Variants in PTPN3 observed in about 807,000 individuals in gnomAD.
PTPN3 encodes protein tyrosine phosphatase non-receptor type 3.
PTPN3 carries 96 observed loss-of-function variants against 132.7 expected under a neutral mutation model. The ratio of observed to expected loss-of-function variants is 0.72; its 90% CI spans 0.61 to 0.86. PTPN3 has a LOEUF of 0.86. Ranked by LOEUF, PTPN3 falls within the 40% of genes least tolerant of loss-of-function variation. PTPN3 has a pLI of 0.00. For synonymous variants in PTPN3, 398 were observed against 429.0 expected (o/e 0.93, Z 0.89); for missense variants, 1,125 against 1,159.6 (o/e 0.97, Z 0.43).
chr9:109,425,810 C>T (rs555610273), intron 12 of PTPN3, among the ~76,000 whole-genome samples: 10 of 151,932 alleles, frequency 6.6e-5, no homozygotes, highest in Non-Finnish European at 1.0e-4. Flanking sequence ...GTCAGGAATT[C>T]GAGACCAGGC....
At position 109,463,409 on chromosome 9, in the gene PTPN3, C is replaced by T. The variant is rs761116560; in HGVS notation, c.26G>A (p.Gly9Asp). ...GGTGCGTATATTATTAATTCTTCCA[C>T]CCAACGCACGTAACCGGGAGGTCAT... MTSRLRAL[G>D]GRINNIRTSE... is the part of the protein sequence containing the mutation. Residue 9 changes from glycine (G) to aspartate (D), a missense_variant, in exon 2 of 26, where the codon GGT becomes GAT. Coordinates refer to ENST00000374541, the MANE Select transcript of PTPN3 (RefSeq NM_002829.4). The T allele has an allele frequency of 1.9e-6, 3 of 1,611,524 alleles. No homozygotes were observed. Among genetic ancestry groups the T allele is most frequent in the South Asian group, 2.2e-5 (2 of 90,152 alleles).
chr9:109,422,956 C>T, intron 12 of PTPN3, 104 bp from the exon 13 acceptor site: 1 of 1,405,650 alleles, frequency 7.1e-7, no homozygotes, highest in Non-Finnish European at 9.8e-7. Flanking sequence ...TGAAGGACGG[C>T]AGGTTAATGC....
rs148506487 is a variant in PTPN3 at position 109,462,796 on chromosome 9, C to T, written c.138+501G>A. On this transcript the variant is annotated intron_variant, in intron 2 of 25. Transcript: ENST00000374541. ...ACAACCCACTCACTCACACATTTAACGAGCACATGCTGTGTGCCCAGCTTT... is the reference window on the plus strand; with the variant it reads ...ACAACCCACTCACTCACACATTTAATGAGCACATGCTGTGTGCCCAGCTTT... 8.4e-3 allele frequency among the ~76,000 whole-genome samples: 1,276 copies of T among 152,178 alleles called. 12 individuals carry two copies. Among genetic ancestry groups the T allele is most frequent in the Middle Eastern group, 0.017 (5 of 294 alleles).
At chr9:109,437,119 T>C (rs755344058) in intron 8 of PTPN3, 149 bp from the exon 9 acceptor site, 8 of 1,346,184 alleles carry the variant, frequency 5.9e-6, no homozygotes, top group Admixed American at 2.7e-5. Context: ...TGCTAAATTC[T>C]ACTAAAGCAA....
chr9:109,446,766 A>G (rs1055143120), intron 6 of PTPN3, among the ~76,000 whole-genome samples: 18 of 152,202 alleles, frequency 1.2e-4, no homozygotes, highest in Non-Finnish European at 2.6e-4. Flanking sequence ...AATACATACT[A>G]GGGAACACCA....
chr9:109,410,534 C>A, intron 14 of PTPN3, 119 bp from the exon 15 acceptor site: 1 of 1,124,334 alleles, frequency 8.9e-7, no homozygotes, highest in Non-Finnish European at 1.3e-6. Flanking sequence ...ACCTCAGCTG[C>A]ATAGGTTGTC....
chr9:109,510,569 AAAAAAAAATATATATATATATATAT>A, the PTPN3 span, among the ~76,000 whole-genome samples: 1 of 72,378 alleles, frequency 1.4e-5, no homozygotes, highest in Non-Finnish European at 2.6e-5. Context: ...AAAAAAAAAA[AAAAAAAAATATATATATATATATAT>A]ATATATATAT....
At chr9:109,508,164 CT>C in the PTPN3 span, among the ~76,000 whole-genome samples, 91,329 of 143,608 alleles carry the variant, frequency 0.64, 29,025 homozygotes, top group Admixed American at 0.71. Context: ...TTCTCTCTCT[CT>C]TTTTTTTTTT....
the PTPN3 span, among the ~76,000 whole-genome samples, chr9:109,527,603 A>G: frequency 6.6e-6 from 1 of 152,234 alleles, no homozygotes; most frequent in Non-Finnish European, 1.5e-5. Context: ...ATTTTTCAGA[A>G]TAGCTAGAAG....
At chr9:109,392,603 A>G (rs1840219835) in intron 19 of PTPN3, 1 of 152,132 alleles carries the variant, frequency 6.6e-6, no homozygotes, top group Middle Eastern at 3.2e-3. Context: ...ACATACTGGC[A>G]CTTTTTTTTT....
rs1564381860 is a variant in PTPN3 at position 109,391,544 on chromosome 9, C to CT, written c.1970dup (p.Pro658AlafsTer20). 3.1e-6 allele frequency: 5 copies of CT among 1,613,682 alleles called. No homozygotes were observed. In the Admixed American group the frequency reaches 5.0e-5, roughly 16 times the overall value. ...TTGCAAACGTGATGGCCAAACCTGG[C>CT]TTTTTTCTGTAGAGTTGCTATGTGA... On this transcript the variant is annotated frameshift_variant, in exon 20 of 26. Transcript: ENST00000374541. LOFTEE classifies it high-confidence loss of function.
intron 13 of PTPN3, among the ~76,000 whole-genome samples, chr9:109,421,123 G>A (rs1224051116): frequency 1.3e-5 from 2 of 152,082 alleles, no homozygotes; most frequent in African/African-American, 4.8e-5. Flanking sequence ...TATTAAACAC[G>A]TTTATATGCA....
At chr9:109,462,076 A>C (rs539465602) in intron 2 of PTPN3, among the ~76,000 whole-genome samples, 1 of 152,342 alleles carries the variant, frequency 6.6e-6, no homozygotes, top group South Asian at 2.1e-4. Flanking sequence ...ACTGGGGAAT[A>C]GCTGGAGGCC....
intron 9 of PTPN3, among the ~76,000 whole-genome samples, chr9:109,435,321 T>G (rs1310736462): frequency 6.6e-6 from 1 of 152,192 alleles, no homozygotes; most frequent in Non-Finnish European, 1.5e-5. Flanking sequence ...TTCTGGCCAC[T>G]GTGCTCTGAG....
intron 7 of PTPN3, among the ~76,000 whole-genome samples, chr9:109,440,110 A>T (rs554671456): frequency 1.3e-5 from 2 of 152,284 alleles, no homozygotes; most frequent in African/African-American, 4.8e-5. Flanking sequence ...CATGACACAC[A>T]GTAGGTGCTC....
intron 12 of PTPN3, among the ~76,000 whole-genome samples, chr9:109,426,710 TCTGACTG>T (rs1843307539): frequency 6.6e-6 from 1 of 152,158 alleles, no homozygotes. Flanking sequence ...CAGCTGCCAT[TCTGACTG>T]CTTGGAAGTG....
At chr9:109,399,859 C>T (rs1004699262) in intron 19 of PTPN3, among the ~76,000 whole-genome samples, 14 of 151,892 alleles carry the variant, frequency 9.2e-5, no homozygotes. Flanking sequence ...CGCCCACCTG[C>T]CAACCACACT....
chr9:109,470,531 CAAA>C (rs35189837), intron 1 of PTPN3, among the ~76,000 whole-genome samples: 67 of 138,066 alleles, frequency 4.9e-4, no homozygotes, highest in African/African-American at 1.7e-3. Flanking sequence ...ATCATATCTA[CAAA>C]AAAAAAAAAA....
chr9:109,512,513 C>T, the PTPN3 span, among the ~76,000 whole-genome samples: 1 of 152,166 alleles, frequency 6.6e-6, no homozygotes, highest in Non-Finnish European at 1.5e-5. Context: ...TTGTTAGGGA[C>T]TCCTAAATCT....
Sources: allele counts gnomAD v4.1 joint callset (sites outside exome capture counted in the v4.1 genomes callset), GRCh38; gene constraint gnomAD v4.1.1; transcripts MANE v1.5; gene names NCBI Gene and HGNC (gene_info 2026-07-23, HGNC 2026-07-21).